The following PTPRE variants were observed in gnomAD, a reference collection of about 807,000 sequenced individuals.
PTPRE encodes protein tyrosine phosphatase receptor type E, also known as receptor-type tyrosine-protein phosphatase epsilon.
A neutral mutation model predicts 102.0 loss-of-function variants in PTPRE; 51 were observed. That is an observed-to-expected ratio of 0.50 (90% CI 0.40 to 0.63). The LOEUF (loss-of-function observed/expected upper bound fraction) is 0.63, where lower values mean the gene tolerates loss of function less well. PTPRE is among the 30% of genes least tolerant of loss of function. The probability of loss-of-function intolerance (pLI) is 0.00; values close to 1 mark genes in which losing one functional copy is unlikely to be tolerated. For synonymous variants in PTPRE, 345 were observed against 348.2 expected (o/e 0.99, Z 0.10); for missense variants, 752 against 915.1 (o/e 0.82, Z 2.30).
At chr10:128,000,731 T>C (rs7088062) in intron 2 of PTPRE, among the ~76,000 whole-genome samples, 104,318 of 152,074 alleles carry the variant, frequency 0.69, 36,019 homozygotes, top group South Asian at 0.77. Flanking sequence ...AGTTTATCCC[T>C]GAACCTTGGT....
chr10:128,066,925 C>G (rs1461049365), intron 11 of PTPRE, among the ~76,000 whole-genome samples: 2 of 151,744 alleles, frequency 1.3e-5, no homozygotes, highest in South Asian at 4.2e-4. Context: ...CACACACAGG[C>G]ACACACATGC....
intron 7 of PTPRE, among the ~76,000 whole-genome samples, chr10:128,059,668 G>A (rs1282737998): frequency 6.6e-6 from 1 of 152,174 alleles, no homozygotes; most frequent in Non-Finnish European, 1.5e-5. Flanking sequence ...TCCCAGCCTG[G>A]CCGAGCCGGA....
chr10:128,072,818 C>T (rs1359832896), intron 16 of PTPRE: 1 of 154,096 alleles, frequency 6.5e-6, no homozygotes, highest in East Asian at 1.9e-4. Context: ...CCTCTGTGCT[C>T]TTTCTCTTGT....
At chr10:128,041,678 T>C (rs1482341983) in intron 3 of PTPRE, among the ~76,000 whole-genome samples, 1 of 151,136 alleles carries the variant, frequency 6.6e-6, no homozygotes, top group East Asian at 1.9e-4. Flanking sequence ...AAAAGAATTA[T>C]TCTTAATATT....
chr10:127,935,511 C>T (rs1847786018), intron 1 of PTPRE, among the ~76,000 whole-genome samples: 1 of 152,126 alleles, frequency 6.6e-6, no homozygotes, highest in African/African-American at 2.4e-5. Flanking sequence ...TGACTCAGCT[C>T]CTCCCAGCCT....
At chr10:127,984,404 T>G (rs1851909519) in intron 2 of PTPRE, among the ~76,000 whole-genome samples, 1 of 152,158 alleles carries the variant, frequency 6.6e-6, no homozygotes, top group African/African-American at 2.4e-5. Flanking sequence ...AGTGGGAAAG[T>G]AAAGCTCTGC....
Position 128,040,971 on chromosome 10 carries a change from C to T in PTPRE, c.90C>T (p.Asn30=), listed in dbSNP as rs144835853. The T allele has an allele frequency of 3.2e-5, 52 of 1,613,976 alleles. No individual in the cohort carries two copies. The highest frequency in any genetic ancestry group is 1.3e-4 in the South Asian group (12 of 91,084). ...LRGNETTADS[N]ETTTTSGPPD... ...GCAACGAGACCACTGCCGACAGCAA[C>T]GAGACAACCACGACCTCAGGTAAGG... The change falls in exon 3 of 21, where the codon AAC becomes AAT. Residue 30 remains asparagine (N), a synonymous_variant. Coordinates refer to ENST00000254667, the MANE Select transcript of PTPRE (RefSeq NM_006504.6).
At chr10:128,047,709 T>C in intron 4 of PTPRE, 55 bp from the exon 5 acceptor site, 5 of 1,614,092 alleles carry the variant, frequency 3.1e-6, no homozygotes, top group Non-Finnish European at 4.2e-6. Flanking sequence ...CCGAGCGCTG[T>C]TGGCTCTCGG....
At chr10:127,928,398 C>T (rs1406037907) in intron 1 of PTPRE, among the ~76,000 whole-genome samples, 1 of 152,132 alleles carries the variant, frequency 6.6e-6, no homozygotes. Flanking sequence ...AATTCCTGAG[C>T]GGGAAGGAAA....
Position 128,026,694 on chromosome 10 carries a change from C to T in PTPRE, c.-7-14181C>T, listed in dbSNP as rs115396530. On this transcript the variant is annotated intron_variant, in intron 2 of 20. Transcript: ENST00000254667. ...TTAGACATAGGCAATTACTTTTGTT[C>T]AAAACATTCAGCTCCAACCTTCACC... Among the ~76,000 whole-genome samples the T allele has an allele frequency of 4.4e-3, 676 of 152,300 alleles. 5 individuals carry two copies. The highest frequency in any genetic ancestry group is 0.013 in the African/African-American group (559 of 41,558).
intron 2 of PTPRE, among the ~76,000 whole-genome samples, chr10:128,011,840 T>C (rs1845041646): frequency 6.6e-6 from 1 of 152,146 alleles, no homozygotes; most frequent in South Asian, 2.1e-4. Context: ...CCTAAACACC[T>C]GGAATGTGGC....
chr10:128,038,512 A>G (rs533546256), intron 2 of PTPRE, among the ~76,000 whole-genome samples: 2 of 152,232 alleles, frequency 1.3e-5, no homozygotes, highest in Non-Finnish European at 1.5e-5. Flanking sequence ...TTGTAGGGAC[A>G]TGGATGAAGC....
intron 1 of PTPRE, among the ~76,000 whole-genome samples, chr10:127,960,657 C>G (rs575003997): frequency 3.0e-4 from 45 of 152,328 alleles, no homozygotes; most frequent in African/African-American, 9.6e-4. Flanking sequence ...AATGTGTAAA[C>G]TTGCCATAGC....
intron 1 of PTPRE, among the ~76,000 whole-genome samples, chr10:127,968,344 T>C (rs1850428048): frequency 6.6e-6 from 1 of 152,186 alleles, no homozygotes; most frequent in Admixed American, 6.5e-5. Context: ...ACAAGTCCTC[T>C]TGTACAAGGG....
chr10:127,926,954 G>GC, intron 1 of PTPRE, among the ~76,000 whole-genome samples: 2 of 151,738 alleles, frequency 1.3e-5, no homozygotes, highest in African/African-American at 4.8e-5. Flanking sequence ...TGGGATTACA[G>GC]GTGTGCACCA....
rs1280485888 is a variant in PTPRE at position 127,944,485 on chromosome 10, TGG to T, written c.-31+37177_-31+37178del. Among the ~76,000 whole-genome samples, 1,895 of 85,160 alleles carry T rather than the reference TGG, an allele frequency of 0.022. 41 individuals carry two copies. Among genetic ancestry groups the T allele is most frequent in the African/African-American group, 0.069 (1,771 of 25,496 alleles). The allele number at this position is 85,160 out of a possible 152,430, so 55.9% of individuals were successfully genotyped here. ...ATGGACAGACGGATGGATGGATGGA[TGG>T]ATGGATGGATGGATGGATGGATGGA... On this transcript the variant is annotated intron_variant, in intron 1 of 20. Coordinates refer to ENST00000254667, the MANE Select transcript of PTPRE (RefSeq NM_006504.6). This position sits in a 1 kb window ranked among gnomAD's most constrained non-coding sequence, Gnocchi z 4.2.
intron 2 of PTPRE, among the ~76,000 whole-genome samples, chr10:127,993,342 T>C (rs1852880374): frequency 6.6e-6 from 1 of 152,232 alleles, no homozygotes; most frequent in Non-Finnish European, 1.5e-5. Flanking sequence ...TTTTCTACTT[T>C]ATCCATAATT....
intron 1 of PTPRE, among the ~76,000 whole-genome samples, chr10:127,933,072 C>T (rs1847565875): frequency 6.6e-6 from 1 of 152,208 alleles, no homozygotes; most frequent in Non-Finnish European, 1.5e-5. Flanking sequence ...CCTTTAAGGG[C>T]TCATGTGGTA....
intron 2 of PTPRE, among the ~76,000 whole-genome samples, chr10:128,017,855 C>G (rs1845561070): frequency 6.6e-6 from 1 of 152,314 alleles, no homozygotes; most frequent in East Asian, 1.9e-4. Context: ...CCTCCTCCCC[C>G]AGCCTGGCTC....
Sources: allele counts gnomAD v4.1 joint callset (sites outside exome capture counted in the v4.1 genomes callset), GRCh38; gene constraint gnomAD v4.1.1; non-coding constraint Gnocchi (gnomAD v3.1); transcripts MANE v1.5; gene names NCBI Gene and HGNC (gene_info 2026-07-23, HGNC 2026-07-21).